ZNF804A: variants seen among roughly 807,000 people sequenced by gnomAD.
ZNF804A encodes the protein zinc finger protein 804A.
In ZNF804A, 2 loss-of-function variants were observed where a neutral mutation model predicts 16.5. The ratio of observed to expected loss-of-function variants is 0.12; its 90% CI spans 0.05 to 0.38. ZNF804A has a LOEUF of 0.38. Among genes scored for constraint, ZNF804A ranks in the 10% least tolerant of loss-of-function variants. The probability of loss-of-function intolerance (pLI) is 0.99; values close to 1 mark genes in which losing one functional copy is unlikely to be tolerated. For missense variants in ZNF804A, 1,473 were observed against 1,390.7 expected (o/e 1.06, Z -0.94); for synonymous variants, 534 against 489.6 (o/e 1.09, Z -1.20).
chr2:184,656,520 A>C lies in ZNF804A; in HGVS notation c.111+57450A>C, dbSNP rs546414003. ...AGAAAAAGTAGTGCTTACATATACC[A>C]GGAATGGATTGAGGTTAATCAACTA... On this transcript the variant is annotated intron_variant, in intron 1 of 3. Coordinates refer to ENST00000302277, the MANE Select transcript of ZNF804A (RefSeq NM_194250.2). Among the ~76,000 whole-genome samples the C allele has an allele frequency of 1.5e-4, 23 of 152,286 alleles. No individual in the cohort carries two copies. The South Asian group carries it at 4.2e-3, about 27-fold the overall frequency.
At chr2:184,698,225 T>A (rs1039672786) in intron 1 of ZNF804A, among the ~76,000 whole-genome samples, 1 of 152,108 alleles carries the variant, frequency 6.6e-6, no homozygotes, top group African/African-American at 2.4e-5. Context: ...ACAGTTTAGT[T>A]TGCTGTACAG....
At chr2:184,672,004 T>C (rs959056426) in intron 1 of ZNF804A, among the ~76,000 whole-genome samples, 1 of 152,222 alleles carries the variant, frequency 6.6e-6, no homozygotes, top group Non-Finnish European at 1.5e-5. Flanking sequence ...TCTCTTCACT[T>C]ACACAGTACT....
chr2:184,779,418 C>T lies in ZNF804A; in HGVS notation c.112-86951C>T, dbSNP rs149915590. Among the ~76,000 whole-genome samples the T allele has an allele frequency of 2.1e-3, 324 of 151,794 alleles. 1 individual carries two copies. Among genetic ancestry groups the T allele is most frequent in the Middle Eastern group, 6.8e-3 (2 of 294 alleles). ...TCTACAAATATGAGGGAAAATGTCA[C>T]CCTATGATGCACAAATCTTAATCCC... On this transcript the variant is annotated intron_variant, in intron 1 of 3. Transcript: ENST00000302277.
chr2:184,832,141 T>C (rs1695270639), intron 1 of ZNF804A, among the ~76,000 whole-genome samples: 1 of 152,020 alleles, frequency 6.6e-6, no homozygotes, highest in South Asian at 2.1e-4. Context: ...TTTATCCACA[T>C]CATAATCAAG....
intron 2 of ZNF804A, among the ~76,000 whole-genome samples, chr2:184,884,876 T>C (rs1558992329): frequency 1.3e-5 from 2 of 152,020 alleles, no homozygotes; most frequent in African/African-American, 4.8e-5. Flanking sequence ...AAGAGCTTTG[T>C]ACAGCAAAAG....
chr2:184,887,152 C>T (rs1262087420), intron 2 of ZNF804A, among the ~76,000 whole-genome samples: 1 of 152,214 alleles, frequency 6.6e-6, no homozygotes, highest in African/African-American at 2.4e-5. Context: ...TAAATCATCT[C>T]TCTCAAGTTC....
intron 2 of ZNF804A, among the ~76,000 whole-genome samples, chr2:184,894,092 GA>G (rs1451276501): frequency 6.6e-6 from 1 of 151,932 alleles, no homozygotes; most frequent in Non-Finnish European, 1.5e-5. Flanking sequence ...TTAATTACAA[GA>G]AGATCATGTT....
At chr2:184,781,200 A>G (rs1694366419) in intron 1 of ZNF804A, among the ~76,000 whole-genome samples, 1 of 151,740 alleles carries the variant, frequency 6.6e-6, no homozygotes, top group South Asian at 2.1e-4. Context: ...TGACACATGC[A>G]TATGATTGTG....
At position 184,799,702 on chromosome 2, in the gene ZNF804A, A is replaced by T. The variant is rs373846309; in HGVS notation, c.112-66667A>T. Among the ~76,000 whole-genome samples, 6 of 151,382 alleles carry T rather than the reference A, an allele frequency of 4.0e-5. No homozygotes were observed. In the East Asian group the frequency reaches 7.8e-4, roughly 20 times the overall value. On this transcript the variant is annotated intron_variant, in intron 1 of 3. Transcript: ENST00000302277. ...TTATGCCTGGCTACTATTTTTATTT[A>T]TTTTTTTCTTTTTTTGTATGTGTAG...
At chr2:184,646,284 G>A (rs1405395799) in intron 1 of ZNF804A, among the ~76,000 whole-genome samples, 2 of 152,194 alleles carry the variant, frequency 1.3e-5, no homozygotes, top group African/African-American at 4.8e-5. Flanking sequence ...TAAGCCTGGG[G>A]CAGGAAGAGT....
intron 1 of ZNF804A, among the ~76,000 whole-genome samples, chr2:184,702,416 C>T (rs761861038): frequency 2.0e-5 from 3 of 152,040 alleles, no homozygotes; most frequent in South Asian, 2.1e-4. Flanking sequence ...ATTCCTCAAA[C>T]CTAATTCATC....
At chr2:184,648,617 C>CA (rs1553522549) in intron 1 of ZNF804A, among the ~76,000 whole-genome samples, 1 of 151,724 alleles carries the variant, frequency 6.6e-6, no homozygotes, top group Non-Finnish European at 1.5e-5. Context: ...AAATGAAAAA[C>CA]AAAAAAGAGC....
chr2:184,799,039 C>T (rs151274693), intron 1 of ZNF804A, among the ~76,000 whole-genome samples: 1 of 152,090 alleles, frequency 6.6e-6, no homozygotes, highest in Non-Finnish European at 1.5e-5. Context: ...TCTCTGGTAC[C>T]GCGGGCTGTC....
chr2:184,792,449 C>G (rs934666307), intron 1 of ZNF804A, among the ~76,000 whole-genome samples: 1 of 152,068 alleles, frequency 6.6e-6, no homozygotes, highest in East Asian at 1.9e-4. Context: ...TTTTTGCCAT[C>G]TGTTTATCTT....
chr2:184,679,317 G>A (rs1246647135), intron 1 of ZNF804A, among the ~76,000 whole-genome samples: 1 of 152,214 alleles, frequency 6.6e-6, no homozygotes, highest in Non-Finnish European at 1.5e-5. Context: ...TCATTGCGAT[G>A]GCAGCGGGGA....
At chr2:184,716,344 A>G (rs1362050671) in intron 1 of ZNF804A, among the ~76,000 whole-genome samples, 1 of 151,990 alleles carries the variant, frequency 6.6e-6, no homozygotes, top group East Asian at 1.9e-4. Flanking sequence ...TAATATTTTG[A>G]TATAAGTATT....
intron 1 of ZNF804A, among the ~76,000 whole-genome samples, chr2:184,678,760 G>T (rs1322266058): frequency 6.6e-6 from 1 of 152,106 alleles, no homozygotes; most frequent in African/African-American, 2.4e-5. Flanking sequence ...TGAACTAATG[G>T]GTGCTGAATG....
chr2:184,750,352 T>C (rs1693860381), intron 1 of ZNF804A, among the ~76,000 whole-genome samples: 1 of 151,362 alleles, frequency 6.6e-6, no homozygotes, highest in Non-Finnish European at 1.5e-5. Flanking sequence ...ATATTTTCAA[T>C]ATTATATCTT....
chr2:184,889,332 A>G (rs1684946111), intron 2 of ZNF804A, among the ~76,000 whole-genome samples: 1 of 151,410 alleles, frequency 6.6e-6, no homozygotes, highest in South Asian at 2.1e-4. Flanking sequence ...AATGTACGAT[A>G]ATCTAATTGA....
Sources: allele counts gnomAD v4.1 joint callset (sites outside exome capture counted in the v4.1 genomes callset), GRCh38; gene constraint gnomAD v4.1.1; transcripts MANE v1.5; gene names NCBI Gene and HGNC (gene_info 2026-07-23, HGNC 2026-07-21).